The following CADPS variants were observed in gnomAD, a reference collection of about 807,000 sequenced individuals.
The protein encoded by CADPS is calcium dependent secretion activator, also known as calcium-dependent secretion activator 1.
Under a neutral mutation model 167.3 loss-of-function variants are expected in CADPS, and 57 were observed. That is an observed-to-expected ratio of 0.34 (90% CI 0.28 to 0.42). The LOEUF (loss-of-function observed/expected upper bound fraction) is 0.42, where lower values mean the gene tolerates loss of function less well. Among genes scored for constraint, CADPS ranks in the 20% least tolerant of loss-of-function variants. The pLI, the probability that CADPS is intolerant of heterozygous loss-of-function variation, is 1.00. For missense variants in CADPS, 1,414 were observed against 1,738.1 expected (o/e 0.81, Z 3.32); for synonymous variants, 676 against 635.3 (o/e 1.06, Z -0.96).
intron 4 of CADPS, among the ~76,000 whole-genome samples, chr3:62,652,367 G>C (rs2070378224): frequency 2.3e-5 from 3 of 131,868 alleles, no homozygotes; most frequent in Middle Eastern, 4.7e-3. Flanking sequence ...AGATCCCATG[G>C]AACATGAATT....
Position 62,488,615 on chromosome 3 carries a change from C to T in CADPS, c.3026+2724G>A, listed in dbSNP as rs144229929. On this transcript the variant is annotated intron_variant, in intron 21 of 29. Coordinates refer to ENST00000383710, the MANE Select transcript of CADPS (RefSeq NM_003716.4). Reference sequence around the variant, plus strand: ...TCAAGCAATCCTCCCACCTCAGCCTCCTGAGTAGTTTGGACTACATGCTGT... The same window carrying T: ...TCAAGCAATCCTCCCACCTCAGCCTTCTGAGTAGTTTGGACTACATGCTGT... Among the ~76,000 whole-genome samples the T allele has an allele frequency of 6.8e-3, 1,037 of 152,190 alleles. 14 individuals are homozygous for T. The highest frequency in any genetic ancestry group is 0.023 in the African/African-American group (949 of 41,526).
At chr3:62,597,185 A>T (rs1010160952) in intron 6 of CADPS, among the ~76,000 whole-genome samples, 2 of 152,072 alleles carry the variant, frequency 1.3e-5, no homozygotes, top group Admixed American at 6.6e-5. Context: ...TACAAAAAAC[A>T]AAGTAAAATA....
intron 1 of CADPS, among the ~76,000 whole-genome samples, chr3:62,838,859 G>A (rs2076257351): frequency 6.6e-6 from 1 of 152,134 alleles, no homozygotes; most frequent in Non-Finnish European, 1.5e-5. Flanking sequence ...AGGAATCTGA[G>A]CATCAGATGT....
intron 1 of CADPS, among the ~76,000 whole-genome samples, chr3:62,777,547 G>C (rs1217591185): frequency 6.6e-6 from 1 of 152,148 alleles, no homozygotes; most frequent in Non-Finnish European, 1.5e-5. Flanking sequence ...AGGAACTTTA[G>C]TTAATAATAA....
intron 3 of CADPS, among the ~76,000 whole-genome samples, chr3:62,727,998 T>C (rs1439880267): frequency 6.6e-6 from 1 of 151,840 alleles, no homozygotes; most frequent in African/African-American, 2.4e-5. Flanking sequence ...TGGCCATATA[T>C]ACATTGCACC....
intron 13 of CADPS, among the ~76,000 whole-genome samples, chr3:62,525,241 A>T (rs2071765324): frequency 6.6e-6 from 1 of 152,152 alleles, no homozygotes; most frequent in South Asian, 2.1e-4. Flanking sequence ...CTCATGGGGA[A>T]AGTCAGAAAG....
At chr3:62,850,186 AGCGGTCT>A (rs1362240629) in intron 1 of CADPS, among the ~76,000 whole-genome samples, 1 of 136,992 alleles carries the variant, frequency 7.3e-6, no homozygotes, top group African/African-American at 2.6e-5. Flanking sequence ...TAGTCTTGCT[AGCGGTCT>A]ATCAATTTTG....
chr3:62,473,186 G>C (rs1348710539), intron 24 of CADPS, among the ~76,000 whole-genome samples: 3 of 143,234 alleles, frequency 2.1e-5, no homozygotes, highest in African/African-American at 7.8e-5. Context: ...CCAGGAAAAG[G>C]TCCTCGACAA....
chr3:62,592,227 TA>T (rs2086214436), intron 7 of CADPS, among the ~76,000 whole-genome samples: 1 of 152,210 alleles, frequency 6.6e-6, no homozygotes, highest in African/African-American at 2.4e-5. Context: ...TGAAGTTTTT[TA>T]TTATTAATTT....
At chr3:62,719,441 GCT>G (rs551224374) in intron 3 of CADPS, among the ~76,000 whole-genome samples, 5 of 152,260 alleles carry the variant, frequency 3.3e-5, no homozygotes, top group African/African-American at 1.2e-4. Context: ...CCGTCACAGA[GCT>G]CTGTTTCTTT....
intron 21 of CADPS, among the ~76,000 whole-genome samples, chr3:62,489,235 A>G (rs2063318416): frequency 6.6e-6 from 1 of 151,888 alleles, no homozygotes; most frequent in African/African-American, 2.4e-5. Flanking sequence ...ATCTCGGCTC[A>G]CTGCAAGCTC....
At chr3:62,700,296 T>A (rs1400303451) in intron 3 of CADPS, among the ~76,000 whole-genome samples, 1 of 152,102 alleles carries the variant, frequency 6.6e-6, no homozygotes, top group Non-Finnish European at 1.5e-5. Flanking sequence ...TTCTAAGGAT[T>A]GTAATTCTTC....
chr3:62,644,692 C>A (rs1245688382), intron 6 of CADPS, among the ~76,000 whole-genome samples: 1 of 152,116 alleles, frequency 6.6e-6, no homozygotes, highest in Admixed American at 6.6e-5. Flanking sequence ...AACCACAGGA[C>A]CTTTGCACAA....
chr3:62,643,390 A>C (rs1450956402), intron 6 of CADPS, among the ~76,000 whole-genome samples: 1 of 152,260 alleles, frequency 6.6e-6, no homozygotes, highest in Non-Finnish European at 1.5e-5. Context: ...TTACAAATCA[A>C]CCAACCTACT....
In CADPS at chr3:62,874,467, C is replaced by T. The variant is rs1438830387; in HGVS notation, c.441+122G>A. The T allele has an allele frequency of 2.7e-6, 2 of 741,204 alleles. No individual in the cohort carries two copies. Among genetic ancestry groups the T allele is most frequent in the Admixed American group, 2.5e-5 (1 of 39,590 alleles). 45.9% of individuals were successfully genotyped at this position (741,204 alleles called of 1,614,324 possible). On this transcript the variant is annotated intron_variant, in intron 1 of 29. Transcript: ENST00000383710. This position sits in a 1 kb window ranked among gnomAD's most constrained non-coding sequence, Gnocchi z 7.1. ...GGGAGGGGGCCTCGTAGCCCTTTCC[C>T]CAGGGCGCGGTCTCCACCTCTCCTG...
chr3:62,731,995 A>G (rs1187064741), intron 3 of CADPS, among the ~76,000 whole-genome samples: 1 of 151,882 alleles, frequency 6.6e-6, no homozygotes, highest in African/African-American at 2.4e-5. Context: ...CAGTGCATTC[A>G]AGGGGGAAAG....
chr3:62,548,217 T>C (rs2076803443), intron 11 of CADPS, among the ~76,000 whole-genome samples: 1 of 152,160 alleles, frequency 6.6e-6, no homozygotes, highest in African/African-American at 2.4e-5. Context: ...ATTTTTGTCA[T>C]ACTTTAAAAA....
At chr3:62,744,805 T>G (rs777002847) in intron 3 of CADPS, among the ~76,000 whole-genome samples, 1 of 152,206 alleles carries the variant, frequency 6.6e-6, no homozygotes, top group Non-Finnish European at 1.5e-5. Context: ...GAAGGCTGCA[T>G]AGAAAATGCC....
At chr3:62,555,586 C>T (rs142771408) in intron 10 of CADPS, among the ~76,000 whole-genome samples, 106 of 152,276 alleles carry the variant, frequency 7.0e-4, no homozygotes, top group African/African-American at 2.5e-3. Context: ...TGGTCTTATC[C>T]ACTTTGTGGG....
Sources: allele counts gnomAD v4.1 joint callset (sites outside exome capture counted in the v4.1 genomes callset), GRCh38; gene constraint gnomAD v4.1.1; non-coding constraint Gnocchi (gnomAD v3.1); transcripts MANE v1.5; gene names NCBI Gene and HGNC (gene_info 2026-07-23, HGNC 2026-07-21).